DDX43: variants seen among roughly 807,000 people sequenced by gnomAD.
DDX43 encodes DEAD-box helicase 43.
DDX43 carries 50 observed loss-of-function variants against 84.9 expected under a neutral mutation model. The ratio of observed to expected loss-of-function variants is 0.59; its 90% CI spans 0.47 to 0.75. DDX43 has a LOEUF of 0.75. DDX43 is among the 30% of genes least tolerant of loss of function. The pLI is 0.00. For missense variants in DDX43, 689 were observed against 798.6 expected (o/e 0.86, Z 1.65); for synonymous variants, 291 against 266.3 (o/e 1.09, Z -0.90).
rs1323936334 is a variant in DDX43, at chr6:73,407,631, T to C, written c.1037+16T>C. 5 of 1,470,390 alleles carry C rather than the reference T, an allele frequency of 3.4e-6. No individual in the cohort carries two copies. Among genetic ancestry groups the C allele is most frequent in the Middle Eastern group, 1.7e-4 (1 of 5,776 alleles). 91.1% of individuals were successfully genotyped at this position (1,470,390 alleles called of 1,614,324 possible). A position where few individuals can be genotyped will look rare whatever the true frequency, so the allele number is the denominator to read the frequency against. On this transcript the variant is annotated intron_variant, in intron 8 of 16. Transcript: ENST00000370336. ...GGCTTCGGAGGTAAGTAATTTTTTT[T>C]CCCATTCCTTCACCAGTATCATATT...
intron 16 of DDX43, 23 bp from the exon 17 acceptor site, chr6:73,417,164 T>C (rs1484161156): frequency 1.3e-5 from 2 of 152,214 alleles, no homozygotes; most frequent in African/African-American, 4.8e-5. Flanking sequence ...GTCAGCAATT[T>C]ACATTTTTTT....
intron 1 of DDX43, 52 bp downstream of exon 1, chr6:73,395,207 C>T: frequency 6.5e-7 from 1 of 1,533,874 alleles, no homozygotes; most frequent in Non-Finnish European, 8.8e-7. Context: ...AGGGGCGGAG[C>T]CTGGGCGAAG....
intron 10 of DDX43, among the ~76,000 whole-genome samples, chr6:73,410,324 G>T (rs1030131708): frequency 6.6e-6 from 1 of 151,970 alleles, no homozygotes; most frequent in African/African-American, 2.4e-5. Context: ...ACGTCACCAT[G>T]CCCAGCTAAT....
In DDX43 at chr6:73,413,842, C is replaced by T. The variant is rs935550144; in HGVS notation, c.1496+57C>T. ...TTAATTAAATTGATTAGGATCATTTCTATTTGTATACTAATTCCAAATGGG... is the reference window on the plus strand; with the variant it reads ...TTAATTAAATTGATTAGGATCATTTTTATTTGTATACTAATTCCAAATGGG... On this transcript the variant is annotated intron_variant, in intron 12 of 16. Transcript: ENST00000370336. The T allele has an allele frequency of 3.5e-5, 55 of 1,570,392 alleles. No individual in the cohort carries two copies. The African/African-American group carries it at 4.9e-4, about 14-fold the overall frequency.
At chr6:73,406,172 T>C (rs924290006) in intron 6 of DDX43, among the ~76,000 whole-genome samples, 192 bp from the exon 7 acceptor site, 12 of 150,806 alleles carry the variant, frequency 8.0e-5, no homozygotes, top group African/African-American at 1.7e-4. Context: ...TACAGACATG[T>C]GCCACCACGC....
At chr6:73,395,706 A>T (rs1205368279) in intron 1 of DDX43, among the ~76,000 whole-genome samples, 1 of 152,032 alleles carries the variant, frequency 6.6e-6, no homozygotes, top group Non-Finnish European at 1.5e-5. Flanking sequence ...AGACTTATGA[A>T]ATCTTAGGGC....
In DDX43 at chr6:73,397,858, A is replaced by G. The variant is rs1769502057; in HGVS notation, c.306+114A>G. 5 of 927,920 alleles carry G rather than the reference A, an allele frequency of 5.4e-6. No homozygotes were observed. In the East Asian group the frequency reaches 1.2e-4, roughly 23 times the overall value. 57.5% of individuals were successfully genotyped at this position (927,920 alleles called of 1,614,324 possible). ...CATTCTGTCTCCCAGGCTGGAGTGC[A>G]GTGACGTGATATCAGTACAACCTCT... is the stretch of plus-strand genomic sequence containing the variant. On this transcript the variant is annotated intron_variant, in intron 2 of 16. Coordinates refer to ENST00000370336, the MANE Select transcript of DDX43 (RefSeq NM_018665.3).
intron 2 of DDX43, among the ~76,000 whole-genome samples, chr6:73,398,356 A>G (rs151106266): frequency 7.9e-4 from 120 of 152,168 alleles, no homozygotes; most frequent in Middle Eastern, 6.8e-3. Flanking sequence ...GGTTGAAGCA[A>G]TTCTCCTGCC....
chr6:73,397,158 T>C (rs983961946), intron 1 of DDX43, among the ~76,000 whole-genome samples: 2 of 152,344 alleles, frequency 1.3e-5, no homozygotes, highest in East Asian at 1.9e-4. Context: ...GCAGCACCAT[T>C]TTCAATCCCA....
intron 10 of DDX43, among the ~76,000 whole-genome samples, chr6:73,411,420 C>G (rs770457245): frequency 1.3e-5 from 2 of 151,136 alleles, no homozygotes; most frequent in Non-Finnish European, 2.9e-5. Context: ...CCTCTGCTTC[C>G]CAGATTCAAG....
Position 73,414,631 on chromosome 6 carries a change from T to A in DDX43, c.1690T>A (p.Phe564Ile). 6.2e-7 allele frequency: 1 copy of A among 1,614,068 alleles called. No individual in the cohort carries two copies. Among genetic ancestry groups the A allele is most frequent in the Non-Finnish European group, 8.5e-7 (1 of 1,179,974 alleles). ...CGTTACACATGTCTATAATTTTGAC[T>A]TTCCACGGAATATTGAAGAATACGT... ...HDVTHVYNFD[F>I]PRNIEEYVHR... Residue 564 changes from phenylalanine (F) to isoleucine (I), a missense_variant, in exon 14 of 17, where the codon TTT (phenylalanine) becomes ATT (isoleucine). By Grantham distance (21) the Phe-to-Ile change is conservative. Transcript: ENST00000370336.
At chr6:73,412,871 C>T (rs1769830831) in intron 11 of DDX43, among the ~76,000 whole-genome samples, 1 of 151,944 alleles carries the variant, frequency 6.6e-6, no homozygotes, top group South Asian at 2.1e-4. Context: ...GCTGGGGTTA[C>T]AAACATGGCT....
At chr6:73,398,758 A>G (rs371902919) in intron 2 of DDX43, among the ~76,000 whole-genome samples, 2 of 152,166 alleles carry the variant, frequency 1.3e-5, no homozygotes, top group Admixed American at 1.3e-4. Flanking sequence ...AGCAACATTC[A>G]CTGAGTTTAC....
At chr6:73,412,181 A>G (rs1769795886) in intron 10 of DDX43, 24 bp from the exon 11 acceptor site, 2 of 1,577,090 alleles carry the variant, frequency 1.3e-6, no homozygotes, top group Non-Finnish European at 8.6e-7. Context: ...ACAAAATTGT[A>G]ATGTTTGTAA....
rs918442445 is a variant in DDX43 at position 73,404,587 on chromosome 6, G to C, written c.569-103G>C. 4 of 885,084 alleles carry C rather than the reference G, an allele frequency of 4.5e-6. No homozygotes were observed. The Admixed American group carries it at 8.5e-5, about 19-fold the overall frequency. 54.8% of individuals were successfully genotyped at this position (885,084 alleles called of 1,614,324 possible). ...AAAGTGTAGAACTATCAAATGGTAT[G>C]CATGGTAAATAAAATATATTGTAGT... On this transcript the variant is annotated intron_variant, in intron 4 of 16. Transcript: ENST00000370336.
chr6:73,414,399 C>A, intron 13 of DDX43, 149 bp from the exon 14 acceptor site: 1 of 722,200 alleles, frequency 1.4e-6, no homozygotes, highest in Non-Finnish European at 2.2e-6. Flanking sequence ...AACTTGCCGG[C>A]AGTTACTTTT....
At chr6:73,396,975 A>T (rs1675295144) in intron 1 of DDX43, among the ~76,000 whole-genome samples, 1 of 152,188 alleles carries the variant, frequency 6.6e-6, no homozygotes, top group Non-Finnish European at 1.5e-5. Context: ...TCTATGATAA[A>T]TGGGTAGCTT....
At chr6:73,401,060 C>T (rs1326110058) in intron 3 of DDX43, among the ~76,000 whole-genome samples, 1 of 152,114 alleles carries the variant, frequency 6.6e-6, no homozygotes, top group African/African-American at 2.4e-5. Flanking sequence ...TCATTATAGC[C>T]TTGACCTCCT....
At chr6:73,414,223 C>G (rs922009854) in intron 13 of DDX43, 144 bp downstream of exon 13, 8 of 610,350 alleles carry the variant, frequency 1.3e-5, no homozygotes, top group African/African-American at 1.3e-4. Flanking sequence ...CATTAGAGCT[C>G]TAAACATTAA....
Sources: gnomAD v4.1 joint callset for allele counts (sites outside exome capture counted in the v4.1 genomes callset) on GRCh38, gnomAD v4.1.1 for gene constraint, MANE v1.5 for transcripts, NCBI Gene and HGNC (gene_info 2026-07-23, HGNC 2026-07-21) for gene names.